DEPDC1: variants seen among roughly 807,000 people sequenced by gnomAD.
DEPDC1 encodes DEP domain-containing protein 1A.
A neutral mutation model predicts 86.8 loss-of-function variants in DEPDC1; 66 were observed. That is an observed-to-expected ratio of 0.76 (90% confidence interval 0.62 to 0.93). DEPDC1 has a LOEUF of 0.93. DEPDC1 is among the 40% of genes least tolerant of loss of function. DEPDC1 has a pLI of 0.00. For missense variants in DEPDC1, 792 were observed against 935.7 expected, an observed-to-expected ratio of 0.85 and a Z score of 2.00; for synonymous variants, 255 against 314.9, an observed-to-expected ratio of 0.81 and a Z score of 2.02.
chr1:68,495,140 C>G (rs1646256744), intron 1 of DEPDC1, among the ~76,000 whole-genome samples: 1 of 95,058 alleles, frequency 1.1e-5, no homozygotes, highest in Non-Finnish European at 2.4e-5. Context: ...AAAACTCAGT[C>G]TCAAAAAAAA....
intron 11 of DEPDC1, 48 bp downstream of exon 11, chr1:68,477,738 AG>A: frequency 8.4e-7 from 1 of 1,192,388 alleles, no homozygotes; most frequent in Non-Finnish European, 1.1e-6. Flanking sequence ...AACCAGGAAC[AG>A]CACATTAGAA....
At chr1:68,490,671 T>A (rs560329522) in intron 2 of DEPDC1, among the ~76,000 whole-genome samples, 1 of 152,204 alleles carries the variant, frequency 6.6e-6, no homozygotes, top group African/African-American at 2.4e-5. Flanking sequence ...TTTTAATGAA[T>A]CATTATACTG....
chr1:68,490,736 A>T (rs11209306), intron 2 of DEPDC1, among the ~76,000 whole-genome samples: 1 of 152,156 alleles, frequency 6.6e-6, no homozygotes, highest in Non-Finnish European at 1.5e-5. Flanking sequence ...GGCTATCCTA[A>T]GAAAAAAGAA....
intron 2 of DEPDC1, among the ~76,000 whole-genome samples, chr1:68,490,406 A>G (rs1646222076): frequency 6.6e-6 from 1 of 151,932 alleles, no homozygotes; most frequent in Non-Finnish European, 1.5e-5. Flanking sequence ...CTCCACCTCC[A>G]TCTATGTTCC....
intron 2 of DEPDC1, among the ~76,000 whole-genome samples, chr1:68,491,818 A>G (rs990778389): frequency 7.9e-5 from 12 of 151,702 alleles, no homozygotes; most frequent in African/African-American, 2.7e-4. Flanking sequence ...CCCAGGATGG[A>G]GTGCAGTAGT....
intron 2 of DEPDC1, among the ~76,000 whole-genome samples, chr1:68,491,299 T>TA (rs1165541500): frequency 6.6e-6 from 1 of 152,186 alleles, no homozygotes; most frequent in African/African-American, 2.4e-5. Context: ...AAAGGTCTAG[T>TA]ATCCAGCATT....
chr1:68,474,177 T>C lies in DEPDC1; in HGVS notation c.*2755A>G, dbSNP rs558374317. The C allele has an allele frequency of 8.5e-5, 13 of 152,244 alleles. No homozygotes were observed. The highest frequency in any genetic ancestry group is 3.1e-4 in the African/African-American group (13 of 41,556). The allele number at this position is 152,244 out of a possible 1,614,324, so 9.4% of individuals were successfully genotyped here. ...TTGATAGCAAAAGAGTTTTAATCAG[T>C]AGAGATCTTAAACTCAATACAAGGC... On this transcript the variant is annotated 3_prime_UTR_variant, in exon 12 of 12. Transcript: ENST00000456315.
chr1:68,486,982 C>A lies in DEPDC1; in HGVS notation c.724G>T (p.Asp242Tyr). ...GCAGATAATACCCAGTGAGGGAGGT[C>A]ATCTACACAAAAAGAAAAATATTAC... ...GVVILQNKSDDLPHWVLSAMK... is the reference protein window; with the variant it reads ...GVVILQNKSDYLPHWVLSAMK... The change falls in exon 6 of 12, where the codon GAC becomes TAC. Residue 242 changes from aspartate to tyrosine, a missense_variant and splice_region_variant. Physicochemically the swap from Asp to Tyr is radical, Grantham distance 160. Transcript: ENST00000456315. 6.3e-7 allele frequency: 1 copy of A among 1,595,430 alleles called. No homozygotes were observed. The highest frequency in any genetic ancestry group is 1.1e-5 in the South Asian group (1 of 87,424).
In DEPDC1 at chr1:68,488,595, A is replaced by T. The variant is rs567202388; in HGVS notation, c.591-91T>A. 5.2e-6 allele frequency: 6 copies of T among 1,152,706 alleles called. No individual in the cohort carries two copies. In the African/African-American group the frequency reaches 8.1e-5, roughly 16 times the overall value. 71.4% of individuals were successfully genotyped at this position (1,152,706 alleles called of 1,614,324 possible). A position where few individuals can be genotyped will look rare whatever the true frequency, so the allele number is the denominator to read the frequency against. Reference sequence around the variant, plus strand: ...GTAAACAAAGCCATCAGAATATTTTATTTTTTTAACCAAATTTCTAAGACT... The same window carrying T: ...GTAAACAAAGCCATCAGAATATTTTTTTTTTTTAACCAAATTTCTAAGACT... On this transcript the variant is annotated intron_variant, in intron 4 of 11. Coordinates refer to ENST00000456315, the MANE Select transcript of DEPDC1 (RefSeq NM_001114120.3).
chr1:68,493,224 T>C (rs915578646), intron 2 of DEPDC1, among the ~76,000 whole-genome samples: 5 of 152,212 alleles, frequency 3.3e-5, no homozygotes, highest in Non-Finnish European at 7.3e-5. Context: ...ATGATTGTTA[T>C]TGTAGTTTAC....
chr1:68,492,536 G>A (rs1168106349), intron 2 of DEPDC1, among the ~76,000 whole-genome samples: 2 of 151,850 alleles, frequency 1.3e-5, no homozygotes, highest in East Asian at 1.9e-4. Flanking sequence ...GTGAAACCCC[G>A]TGTCCACAAA....
chr1:68,482,090 T>G lies in DEPDC1; in HGVS notation c.1718A>C (p.Glu573Ala), dbSNP rs1250338554. Residue 573 changes from glutamate to alanine, a missense_variant, in exon 8 of 12, where the codon GAA (glutamate) becomes GCA (alanine). By Grantham distance (107) the Glu-to-Ala change is moderately radical. Coordinates refer to ENST00000456315, the MANE Select transcript of DEPDC1 (RefSeq NM_001114120.3). ...RLCKSTIELS[E>A]NSLLPASSML... ...AGAAGAAGCTGGAAGTAAAGAATTTTCTGAAAGTTCTATTGTACTTTTGCA... is the reference window on the plus strand; with the variant it reads ...AGAAGAAGCTGGAAGTAAAGAATTTGCTGAAAGTTCTATTGTACTTTTGCA... The G allele has an allele frequency of 1.2e-6, 2 of 1,603,990 alleles. No homozygotes were observed. The highest frequency in any genetic ancestry group is 1.7e-6 in the Non-Finnish European group (2 of 1,176,846).
Position 68,497,061 on chromosome 1 carries a change from C to T in DEPDC1, c.-62G>A. ...AGGCGACACTCAGGCCCAGCGGCCG[C>T]GGCAGTGGCGAGTCTCGGCACAACC... On this transcript the variant is annotated 5_prime_UTR_variant, in exon 1 of 12. Coordinates refer to ENST00000456315, the MANE Select transcript of DEPDC1 (RefSeq NM_001114120.3). 1.3e-6 allele frequency: 2 copies of T among 1,576,494 alleles called. No homozygotes were observed. Among genetic ancestry groups the T allele is most frequent in the Non-Finnish European group, 1.7e-6 (2 of 1,149,710 alleles).
At position 68,496,683 on chromosome 1, in the gene DEPDC1, G is replaced by A. The variant is rs1557624864; in HGVS notation, c.48+269C>T. 4.9e-6 allele frequency: 2 copies of A among 406,304 alleles called. 1 individual carries two copies. The highest frequency in any genetic ancestry group is 7.7e-5 in the East Asian group (2 of 26,036). 25.2% of individuals were successfully genotyped at this position (406,304 alleles called of 1,614,324 possible). A position where few individuals can be genotyped will look rare whatever the true frequency, so the allele number is the denominator to read the frequency against. On this transcript the variant is annotated intron_variant, in intron 1 of 11. Coordinates refer to ENST00000456315, the MANE Select transcript of DEPDC1 (RefSeq NM_001114120.3). The surrounding 1 kb of genome is among the most constrained non-coding windows in gnomAD (Gnocchi z 4.0). ...CGGGACGCCGGCCACACCAGGCACA[G>A]GAGTCGCTCCTCATAGCGAGTCTGG... is the stretch of plus-strand genomic sequence containing the variant.
Position 68,479,192 on chromosome 1 carries a change from G to C in DEPDC1, c.2064C>G (p.Tyr688Ter). The C allele has an allele frequency of 6.2e-7, 1 of 1,611,910 alleles. No individual in the cohort carries two copies. Among genetic ancestry groups the C allele is most frequent in the East Asian group, 2.2e-5 (1 of 44,800 alleles). Residue 688 changes from tyrosine (Y) to a stop codon, truncating the protein, a stop_gained, in exon 10 of 12, where the codon TAC (tyrosine) becomes TAG (stop). Coordinates refer to ENST00000456315, the MANE Select transcript of DEPDC1 (RefSeq NM_001114120.3). LOFTEE classifies it high-confidence loss of function. ...GATGTTTTTCCACTGCAGTCTGTAA[G>C]TAAGAGGGTACTTGAAGAATTTCCT... ...HHQEILQVPSYLQTAVEKHLD... is the reference protein window; with the variant it reads ...HHQEILQVPS
intron 2 of DEPDC1, among the ~76,000 whole-genome samples, chr1:68,490,679 C>T (rs1295054005): frequency 6.6e-6 from 1 of 152,026 alleles, no homozygotes; most frequent in East Asian, 1.9e-4. Context: ...AATCATTATA[C>T]TGTTGTCCAC....
chr1:68,476,856 T>G lies in DEPDC1; in HGVS notation c.*76A>C. ...TACCTTATTAATGACAGACTTCCTT[T>G]TGAGTAGCTACATTCTCAGATATGG... is the stretch of plus-strand genomic sequence containing the variant. On this transcript the variant is annotated 3_prime_UTR_variant, in exon 12 of 12. Transcript: ENST00000456315. The G allele has an allele frequency of 7.9e-7, 1 of 1,272,174 alleles. No homozygotes were observed. Among genetic ancestry groups the G allele is most frequent in the Non-Finnish European group, 1.1e-6 (1 of 942,724 alleles). 78.8% of individuals were successfully genotyped at this position (1,272,174 alleles called of 1,614,324 possible).
chr1:68,494,795 T>G, intron 1 of DEPDC1, 100 bp from the exon 2 acceptor site: 1 of 882,174 alleles, frequency 1.1e-6, no homozygotes, highest in Non-Finnish European at 1.7e-6. Context: ...AATTCACATC[T>G]GATTATATCA....
chr1:68,483,685 A>C, intron 7 of DEPDC1: 1 of 290,674 alleles, frequency 3.4e-6, no homozygotes, highest in Non-Finnish European at 6.4e-6. Flanking sequence ...TTTTATAATA[A>C]ACTAATAGTC....
Sources: gnomAD v4.1 joint callset for allele counts (sites outside exome capture counted in the v4.1 genomes callset) on GRCh38, gnomAD v4.1.1 for gene constraint, Gnocchi (gnomAD v3.1) non-coding constraint, MANE v1.5 for transcripts, NCBI Gene and HGNC (gene_info 2026-07-23, HGNC 2026-07-21) for gene names.